The following LIMD1 variants were observed in gnomAD, a reference collection of about 807,000 sequenced individuals.
LIMD1 encodes LIM domain-containing protein 1.
In LIMD1, 23 loss-of-function variants were observed where a neutral mutation model predicts 58.4. That is an observed-to-expected ratio of 0.39 (90% confidence interval 0.28 to 0.56). The LOEUF (loss-of-function observed/expected upper bound fraction) is 0.56, where lower values mean the gene tolerates loss of function less well. Ranked by LOEUF, LIMD1 falls within the 20% of genes least tolerant of loss-of-function variation. The pLI is 0.57. For synonymous variants in LIMD1, 334 were observed against 345.5 expected (o/e 0.97, Z 0.37); for missense variants, 838 against 855.5 (o/e 0.98, Z 0.25).
intron 2 of LIMD1, among the ~76,000 whole-genome samples, chr3:45,651,277 G>A (rs973557496): frequency 6.6e-6 from 1 of 152,180 alleles, no homozygotes; most frequent in African/African-American, 2.4e-5. Context: ...CTCCCATTCT[G>A]TAGGTTGCCT....
intron 2 of LIMD1, among the ~76,000 whole-genome samples, chr3:45,652,223 G>A (rs970778452): frequency 4.6e-5 from 7 of 152,172 alleles, no homozygotes; most frequent in Non-Finnish European, 8.8e-5. Flanking sequence ...CACCATGCCC[G>A]GCCAGCCAAT....
Position 45,595,344 on chromosome 3 carries a change from G to A in LIMD1, c.465G>A (p.Ala155=), listed in dbSNP as rs374578310. The change falls in exon 1 of 8, where the codon GCG becomes GCA. Residue 155 remains alanine (A), a synonymous_variant. Coordinates refer to ENST00000273317, the MANE Select transcript of LIMD1 (RefSeq NM_014240.3). The part of the protein sequence containing the change: ...SQDCGSRESL[A]TSEMSAFHQP... ...ACTGTGGTTCCAGGGAGAGCCTGGC[G>A]ACTTCTGAGATGTCTGCTTTCCACC... 70 of 1,613,502 alleles carry A rather than the reference G, an allele frequency of 4.3e-5. No individual in the cohort carries two copies. Among genetic ancestry groups the A allele is most frequent in the East Asian group, 6.7e-5 (3 of 44,902 alleles).
intron 1 of LIMD1, among the ~76,000 whole-genome samples, chr3:45,625,832 T>A (rs1701664504): frequency 6.6e-6 from 1 of 152,196 alleles, no homozygotes; most frequent in Non-Finnish European, 1.5e-5. Flanking sequence ...GAAATAAATG[T>A]CTGCTCTTTA....
chr3:45,637,957 C>A (rs564407040), intron 2 of LIMD1, among the ~76,000 whole-genome samples: 1 of 152,272 alleles, frequency 6.6e-6, no homozygotes, highest in African/African-American at 2.4e-5. Context: ...TTATCGAATT[C>A]TCTGGGTCTC....
chr3:45,637,894 G>T (rs988789027), intron 2 of LIMD1, among the ~76,000 whole-genome samples: 1 of 152,218 alleles, frequency 6.6e-6, no homozygotes. Context: ...GTGTTCACCT[G>T]TGTAGGGAAA....
chr3:45,629,742 G>A (rs558988716), intron 1 of LIMD1, among the ~76,000 whole-genome samples: 2 of 152,258 alleles, frequency 1.3e-5, no homozygotes, highest in South Asian at 4.1e-4. Context: ...ACCGACAGAC[G>A]CCACCACACT....
chr3:45,611,454 G>A (rs182683206), intron 1 of LIMD1, among the ~76,000 whole-genome samples: 2 of 152,362 alleles, frequency 1.3e-5, no homozygotes, highest in Admixed American at 1.3e-4. Flanking sequence ...ACTCAGTTTA[G>A]CAAGTACAGG....
chr3:45,674,467 C>A, intron 7 of LIMD1, 56 bp downstream of exon 7: 2 of 1,387,354 alleles, frequency 1.4e-6, no homozygotes, highest in Non-Finnish European at 2.0e-6. Flanking sequence ...AAGAGAAAAG[C>A]ATCCTGCGTT....
chr3:45,670,090 T>C (rs989223064), intron 4 of LIMD1, among the ~76,000 whole-genome samples: 3 of 152,160 alleles, frequency 2.0e-5, no homozygotes, highest in African/African-American at 4.8e-5. Context: ...CCTTCCCCCA[T>C]GCTCGCAGTG....
At chr3:45,663,868 A>ATTTTTTTTT (rs553757543) in intron 2 of LIMD1, among the ~76,000 whole-genome samples, 19 of 102,846 alleles carry the variant, frequency 1.8e-4, no homozygotes, top group African/African-American at 5.1e-4. Context: ...TGCCTGGCTA[A>ATTTTTTTTT]TTTTTTTTTT....
chr3:45,635,900 A>G, intron 1 of LIMD1: 1 of 985,308 alleles, frequency 1.0e-6, no homozygotes, highest in Non-Finnish European at 1.2e-6. Context: ...AAGCCCAGGA[A>G]TTCTGGACAT....
At chr3:45,623,930 G>A (rs987117334) in intron 1 of LIMD1, among the ~76,000 whole-genome samples, 2 of 152,164 alleles carry the variant, frequency 1.3e-5, no homozygotes, top group East Asian at 1.9e-4. Flanking sequence ...TTTGATATGC[G>A]TGTTAGTCAG....
At chr3:45,663,223 A>G (rs1697466896) in intron 2 of LIMD1, among the ~76,000 whole-genome samples, 1 of 152,182 alleles carries the variant, frequency 6.6e-6, no homozygotes, top group Non-Finnish European at 1.5e-5. Flanking sequence ...TCTAGTGAAC[A>G]CTGAAGACGC....
At chr3:45,635,543 A>T (rs1007837131) in intron 1 of LIMD1, among the ~76,000 whole-genome samples, 1 of 151,986 alleles carries the variant, frequency 6.6e-6, no homozygotes, top group Non-Finnish European at 1.5e-5. Flanking sequence ...CTTTTTGTAA[A>T]AATTGAGGTT....
At chr3:45,644,541 T>C (rs570367113) in intron 2 of LIMD1, among the ~76,000 whole-genome samples, 51 of 152,332 alleles carry the variant, frequency 3.3e-4, no homozygotes, top group Middle Eastern at 3.4e-3. Flanking sequence ...CACTAAATCC[T>C]GTAACAATTC....
chr3:45,679,949 G>A lies in LIMD1; in HGVS notation c.*2890G>A, dbSNP rs762961052. 2.6e-5 allele frequency: 4 copies of A among 152,146 alleles called. No individual in the cohort carries two copies. The highest frequency in any genetic ancestry group is 6.5e-5 in the Admixed American group (1 of 15,278). 9.4% of individuals were successfully genotyped at this position (152,146 alleles called of 1,614,324 possible). A position where few individuals can be genotyped will look rare whatever the true frequency, so the allele number is the denominator to read the frequency against. On this transcript the variant is annotated 3_prime_UTR_variant, in exon 8 of 8. Transcript: ENST00000273317. ...TCCCATTTCTCTGTGGTTAGTGCTCGAGTGAAAACCTCTTTCAGCTGAGTC... is the reference window on the plus strand; with the variant it reads ...TCCCATTTCTCTGTGGTTAGTGCTCAAGTGAAAACCTCTTTCAGCTGAGTC...
chr3:45,627,519 G>T (rs1306885913), intron 1 of LIMD1, among the ~76,000 whole-genome samples: 1 of 152,116 alleles, frequency 6.6e-6, no homozygotes, highest in African/African-American at 2.4e-5. Context: ...GGCTAGATGT[G>T]GTGGCTCACA....
At position 45,595,709 on chromosome 3, in the gene LIMD1, C is replaced by G; in HGVS notation, c.830C>G (p.Ser277Cys). The stretch of plus-strand genomic sequence containing the variant: ...CAGCGGGTGAGCCCTGGCCTGCCTT[C>G]CCCAAACTTGGAGAACGGAGCACCA... The part of the protein sequence containing the change: ...SSQRVSPGLP[S>C]PNLENGAPAV... Residue 277 changes from serine (S) to cysteine (C), a missense_variant, in exon 1 of 8, where the codon TCC becomes TGC. Physicochemically the swap from Ser to Cys is moderately radical, Grantham distance 112. Transcript: ENST00000273317. 1.2e-6 allele frequency: 2 copies of G among 1,614,174 alleles called. No individual in the cohort carries two copies. Among genetic ancestry groups the G allele is most frequent in the Non-Finnish European group, 1.7e-6 (2 of 1,180,048 alleles).
At position 45,686,182 on chromosome 3, in the gene LIMD1, CTACTT is replaced by C. The variant is rs1286892591; in HGVS notation, c.*9126_*9130del. 6.6e-6 allele frequency: 1 copy of C among 152,044 alleles called. No homozygotes were observed. The highest frequency in any genetic ancestry group is 2.4e-5 in the African/African-American group (1 of 41,362). The allele number at this position is 152,044 out of a possible 1,614,324, so 9.4% of individuals were successfully genotyped here. The stretch of plus-strand genomic sequence containing the variant: ...ACCATTTATCCTTTTAACTTTTTGC[CTACTT>C]TATTTCTGTAAAATTGTTTTAACTA... On this transcript the variant is annotated 3_prime_UTR_variant, in exon 8 of 8. Coordinates refer to ENST00000273317, the MANE Select transcript of LIMD1 (RefSeq NM_014240.3).
Sources: gnomAD v4.1 joint callset for allele counts (sites outside exome capture counted in the v4.1 genomes callset) on GRCh38, gnomAD v4.1.1 for gene constraint, MANE v1.5 for transcripts, NCBI Gene and HGNC (gene_info 2026-07-23, HGNC 2026-07-21) for gene names.